Variants in TCF12 observed in about 807,000 individuals in gnomAD.
TCF12 encodes the protein transcription factor 12.
TCF12 carries 45 observed loss-of-function variants against 86.0 expected under a neutral mutation model. That is an observed-to-expected ratio of 0.52 (90% CI 0.41 to 0.67). The LOEUF is 0.67. Ranked by LOEUF, TCF12 falls within the 30% of genes least tolerant of loss-of-function variation. The pLI, the probability that TCF12 is intolerant of heterozygous loss-of-function variation, is 0.00. For synonymous variants in TCF12, 330 were observed against 299.6 expected, an observed-to-expected ratio of 1.10 and a Z score of -1.05; for missense variants, 881 against 859.9, an observed-to-expected ratio of 1.02 and a Z score of -0.31.
chr15:56,934,799 A>G (rs551644218), intron 3 of TCF12, among the ~76,000 whole-genome samples: 1 of 152,274 alleles, frequency 6.6e-6, no homozygotes, highest in South Asian at 2.1e-4. Flanking sequence ...CCATTGAGGT[A>G]GCTTTGATGG....
At chr15:57,017,136 A>G (rs544663224) in intron 3 of TCF12, among the ~76,000 whole-genome samples, 10 of 152,326 alleles carry the variant, frequency 6.6e-5, no homozygotes, top group African/African-American at 2.4e-4. Context: ...GTTTACAAGT[A>G]GGGCAAAATC....
intron 4 of TCF12, among the ~76,000 whole-genome samples, chr15:57,080,824 T>A (rs1037592809): frequency 2.0e-5 from 3 of 152,308 alleles, no homozygotes. Flanking sequence ...AACTTTAACA[T>A]AAGGGTACTC....
chr15:57,128,116 G>A (rs1182211626), intron 5 of TCF12, among the ~76,000 whole-genome samples: 1 of 152,230 alleles, frequency 6.6e-6, no homozygotes, highest in Non-Finnish European at 1.5e-5. Flanking sequence ...GCTGTCTTCA[G>A]TATATTTTCA....
intron 8 of TCF12, among the ~76,000 whole-genome samples, chr15:57,223,654 T>TTTTTGTTTTTTTTTTG (rs2058722785): frequency 7.7e-6 from 1 of 130,024 alleles, no homozygotes; most frequent in Non-Finnish European, 1.7e-5. Flanking sequence ...TTTTTTTTTT[T>TTTTTGTTTTTTTTTTG]TTTTTTTTTT....
At chr15:57,268,742 C>A (rs544524391) in intron 18 of TCF12, among the ~76,000 whole-genome samples, 40 of 151,754 alleles carry the variant, frequency 2.6e-4, no homozygotes, top group African/African-American at 9.2e-4. Flanking sequence ...ATTATGTAGT[C>A]TATTTTCATT....
intron 6 of TCF12, among the ~76,000 whole-genome samples, chr15:57,179,525 A>G (rs1273721378): frequency 2.0e-5 from 3 of 151,726 alleles, no homozygotes; most frequent in Non-Finnish European, 4.4e-5. Context: ...GCAAGACTCC[A>G]TCTCAAAAGA....
At chr15:57,208,029 G>T (rs1453055771) in intron 8 of TCF12, among the ~76,000 whole-genome samples, 2 of 139,276 alleles carry the variant, frequency 1.4e-5, no homozygotes, top group Non-Finnish European at 3.2e-5. Context: ...CTGACTTCAA[G>T]ATTCTTTTTT....
At chr15:57,006,652 C>T (rs1167893966) in intron 3 of TCF12, among the ~76,000 whole-genome samples, 4 of 151,870 alleles carry the variant, frequency 2.6e-5, no homozygotes, top group Admixed American at 6.6e-5. Flanking sequence ...TGTGGTGGCT[C>T]GTGCCTGTAA....
At position 56,926,543 on chromosome 15, in the gene TCF12, A is replaced by G. The variant is rs541469692; in HGVS notation, c.148+5445A>G. Among the ~76,000 whole-genome samples the G allele has an allele frequency of 3.3e-5, 5 of 152,324 alleles. No individual in the cohort carries two copies. In the South Asian group the frequency reaches 1.0e-3, roughly 32 times the overall value. ...TATGGACAATGAATTAGGGAAGAGA[A>G]GAACTGGTCTTACAGCTGAGGAATA... On this transcript the variant is annotated intron_variant, in intron 3 of 20. Transcript: ENST00000333725.
intron 5 of TCF12, chr15:57,134,309 C>T (rs1488722172): frequency 1.3e-5 from 2 of 152,074 alleles, no homozygotes; most frequent in African/African-American, 2.4e-5. Context: ...GCAAATAAGG[C>T]CTCATTAACA....
chr15:57,051,978 T>A (rs528619138), intron 3 of TCF12, among the ~76,000 whole-genome samples: 1 of 152,324 alleles, frequency 6.6e-6, no homozygotes, highest in South Asian at 2.1e-4. Context: ...TCTGTTCCAT[T>A]GGTCTATGTG....
Position 57,101,294 on chromosome 15 carries a change from T to A in TCF12, c.325+9403T>A, listed in dbSNP as rs1373810045. Among the ~76,000 whole-genome samples the A allele has an allele frequency of 4.0e-5, 6 of 151,842 alleles. No homozygotes were observed. In the East Asian group the frequency reaches 5.8e-4, roughly 15 times the overall value. On this transcript the variant is annotated intron_variant, in intron 5 of 20. Transcript: ENST00000333725. ...ATCTATGGCTTACTGCAGCCCCAAC[T>A]TCCCAGGCTCCAGTGATCCTCCCAC...
intron 5 of TCF12, among the ~76,000 whole-genome samples, chr15:57,146,754 T>G (rs1465463992): frequency 1.1e-4 from 16 of 152,218 alleles, no homozygotes; most frequent in Non-Finnish European, 4.4e-5. Context: ...CTTTCAGATT[T>G]CACAAATCAA....
chr15:57,191,047 G>A (rs941239496), intron 6 of TCF12, among the ~76,000 whole-genome samples: 4 of 152,186 alleles, frequency 2.6e-5, no homozygotes, highest in Non-Finnish European at 4.4e-5. Context: ...GAAGAACCAC[G>A]TAAGCATGTG....
intron 14 of TCF12, among the ~76,000 whole-genome samples, chr15:57,251,671 T>C (rs374563710): frequency 6.6e-6 from 1 of 152,362 alleles, no homozygotes; most frequent in African/African-American, 2.4e-5. Context: ...TTTTGTTTCT[T>C]TGACAAATCT....
intron 18 of TCF12, among the ~76,000 whole-genome samples, chr15:57,269,096 G>A (rs1377822164): frequency 2.6e-5 from 4 of 152,030 alleles, no homozygotes; most frequent in African/African-American, 9.7e-5. Context: ...TTTCTGTCTC[G>A]TTGATCTGTC....
At chr15:57,242,581 C>T (rs975094998) in intron 12 of TCF12, among the ~76,000 whole-genome samples, 2 of 152,076 alleles carry the variant, frequency 1.3e-5, no homozygotes, top group South Asian at 2.1e-4. Flanking sequence ...ACAAGAGAAT[C>T]GCTTGAACCT....
chr15:57,133,684 A>G (rs1461349061), intron 5 of TCF12, among the ~76,000 whole-genome samples: 2 of 151,378 alleles, frequency 1.3e-5, no homozygotes, highest in African/African-American at 4.9e-5. Flanking sequence ...TACAGCAAAC[A>G]GTTTCAGAAG....
chr15:57,086,761 A>T (rs2048664297), intron 4 of TCF12, among the ~76,000 whole-genome samples: 1 of 150,396 alleles, frequency 6.6e-6, no homozygotes, highest in Admixed American at 6.6e-5. Flanking sequence ...TTTTAATAGA[A>T]TTTTAAAAAC....
Sources: allele counts gnomAD v4.1 joint callset (sites outside exome capture counted in the v4.1 genomes callset), GRCh38; gene constraint gnomAD v4.1.1; transcripts MANE v1.5; gene names NCBI Gene and HGNC (gene_info 2026-07-23, HGNC 2026-07-21).